PTPRK: variants seen among roughly 807,000 people sequenced by gnomAD.
The protein encoded by PTPRK is protein tyrosine phosphatase receptor type K, also known as receptor-type tyrosine-protein phosphatase kappa.
In PTPRK, 75 loss-of-function variants were observed where a neutral mutation model predicts 178.0. The observed-to-expected ratio is 0.42, with a 90% confidence interval of 0.35 to 0.51. The LOEUF (loss-of-function observed/expected upper bound fraction) is 0.51, where lower values mean the gene tolerates loss of function less well. Among genes scored for constraint, PTPRK ranks in the 20% least tolerant of loss-of-function variants. The pLI is 0.02. For synonymous variants in PTPRK, 637 were observed against 620.6 expected, an observed-to-expected ratio of 1.03 and a Z score of -0.39; for missense variants, 1,441 against 1,797.8, an observed-to-expected ratio of 0.80 and a Z score of 3.59.
At chr6:128,056,386 T>C (rs1259685299) in intron 13 of PTPRK, among the ~76,000 whole-genome samples, 1 of 152,094 alleles carries the variant, frequency 6.6e-6, no homozygotes, top group Non-Finnish European at 1.5e-5. Flanking sequence ...ATCTTTCTGT[T>C]GTTTTCTTTA....
chr6:127,992,633 GT>G, intron 19 of PTPRK, 39 bp downstream of exon 19: 2 of 1,537,282 alleles, frequency 1.3e-6, no homozygotes, highest in Non-Finnish European at 8.8e-7. Flanking sequence ...GAATAAGCAA[GT>G]TTGTTTTTTC....
intron 6 of PTPRK, among the ~76,000 whole-genome samples, chr6:128,215,014 T>G (rs569476935): frequency 2.6e-5 from 4 of 152,276 alleles, no homozygotes; most frequent in African/African-American, 9.6e-5. Flanking sequence ...GTCCAGAGCA[T>G]TTTGATAATG....
intron 2 of PTPRK, among the ~76,000 whole-genome samples, chr6:128,367,111 A>G (rs1450052894): frequency 6.6e-6 from 1 of 152,160 alleles, no homozygotes; most frequent in Non-Finnish European, 1.5e-5. Context: ...TGTAAACTCC[A>G]TAAGCGAAGA....
intron 3 of PTPRK, chr6:128,321,563 C>T (rs1046774985): frequency 2.1e-5 from 9 of 421,560 alleles, no homozygotes; most frequent in Admixed American, 8.7e-5. Context: ...AATGAAAATG[C>T]CTCCCCCTTA....
At chr6:128,143,690 T>G (rs1324268367) in intron 7 of PTPRK, among the ~76,000 whole-genome samples, 1 of 152,178 alleles carries the variant, frequency 6.6e-6, no homozygotes, top group Non-Finnish European at 1.5e-5. Flanking sequence ...GGCCTTTCAT[T>G]GGCCATCCCC....
At chr6:128,240,659 C>T (rs920739580) in intron 4 of PTPRK, among the ~76,000 whole-genome samples, 3 of 152,130 alleles carry the variant, frequency 2.0e-5, no homozygotes, top group Non-Finnish European at 2.9e-5. Context: ...TAACCCTCTA[C>T]AGCACTTCAA....
intron 7 of PTPRK, among the ~76,000 whole-genome samples, chr6:128,122,505 C>CCT (rs539689263): frequency 6.6e-6 from 1 of 151,972 alleles, no homozygotes; most frequent in Admixed American, 6.6e-5. Context: ...TCAATGTAAA[C>CCT]CTCTCTCTCT....
At chr6:128,067,824 T>C in intron 11 of PTPRK, 32 bp from the exon 12 acceptor site, 1 of 1,519,386 alleles carries the variant, frequency 6.6e-7, no homozygotes, top group Middle Eastern at 1.8e-4. Context: ...AACACACATA[T>C]ATATACACAC....
In PTPRK at chr6:128,396,781, C is replaced by T. The variant is rs576009024; in HGVS notation, c.223+785G>A. Among the ~76,000 whole-genome samples the T allele has an allele frequency of 5.9e-5, 9 of 152,154 alleles. No homozygotes were observed. In the South Asian group the frequency reaches 8.3e-4, roughly 14 times the overall value. ...TTGGGAGGCCGAGGCGGGCGGATCA[C>T]GAGGTCAGGAGTTCGAGACCAGCCT... is the stretch of plus-strand genomic sequence containing the variant. On this transcript the variant is annotated intron_variant, in intron 2 of 29. Transcript: ENST00000368226.
chr6:128,132,317 G>A (rs1739075693), intron 7 of PTPRK, among the ~76,000 whole-genome samples: 1 of 152,198 alleles, frequency 6.6e-6, no homozygotes, highest in Admixed American at 6.5e-5. Context: ...TGGGACTACA[G>A]GCACCCGCCA....
At chr6:128,368,537 C>T (rs1562371510) in intron 2 of PTPRK, among the ~76,000 whole-genome samples, 1 of 152,070 alleles carries the variant, frequency 6.6e-6, no homozygotes, top group Non-Finnish European at 1.5e-5. Flanking sequence ...TTCCTGTCAA[C>T]TCACTTCCAA....
chr6:128,444,685 G>A (rs1262195531), intron 1 of PTPRK, among the ~76,000 whole-genome samples: 3 of 152,132 alleles, frequency 2.0e-5, no homozygotes, highest in African/African-American at 7.2e-5. Context: ...AATGACTTCC[G>A]AGGTTGAGCC....
At chr6:128,143,286 C>T (rs1192606525) in intron 7 of PTPRK, among the ~76,000 whole-genome samples, 1 of 152,118 alleles carries the variant, frequency 6.6e-6, no homozygotes, top group African/African-American at 2.4e-5. Flanking sequence ...CAAAGAAGTT[C>T]ACCTCTCACC....
chr6:128,005,060 T>C (rs770806209), intron 15 of PTPRK, 24 bp downstream of exon 15: 7 of 1,584,170 alleles, frequency 4.4e-6, no homozygotes, highest in East Asian at 2.3e-5. Flanking sequence ...ACATCATTTA[T>C]TAAAATTTTA....
At chr6:128,459,208 CTTATAG>C (rs1200879195) in intron 1 of PTPRK, among the ~76,000 whole-genome samples, 1 of 152,084 alleles carries the variant, frequency 6.6e-6, no homozygotes, top group African/African-American at 2.4e-5. Context: ...AAAACATCTT[CTTATAG>C]TTATACGATC....
chr6:128,010,170 A>T (rs1778891613), intron 13 of PTPRK, among the ~76,000 whole-genome samples: 1 of 151,256 alleles, frequency 6.6e-6, no homozygotes, highest in Admixed American at 6.6e-5. Context: ...GCAAAGAAAA[A>T]ATCTACTATA....
chr6:128,194,056 T>TTATATATATATATA (rs1228103270), intron 6 of PTPRK, among the ~76,000 whole-genome samples: 1 of 138,008 alleles, frequency 7.2e-6, no homozygotes, highest in African/African-American at 2.8e-5. Context: ...GCAATAATAT[T>TTATATATATATATA]TATATATATA....
intron 2 of PTPRK, among the ~76,000 whole-genome samples, chr6:128,349,699 A>AT (rs1475133115): frequency 1.3e-5 from 2 of 152,190 alleles, no homozygotes; most frequent in Non-Finnish European, 2.9e-5. Flanking sequence ...TACATGAAAA[A>AT]TTTTGATGAA....
intron 1 of PTPRK, among the ~76,000 whole-genome samples, chr6:128,475,252 T>C (rs1394816428): frequency 4.6e-5 from 7 of 152,082 alleles, no homozygotes. Context: ...GCTGTTTGGA[T>C]TATACAATAT....
Sources: gnomAD v4.1 joint callset for allele counts (sites outside exome capture counted in the v4.1 genomes callset) on GRCh38, gnomAD v4.1.1 for gene constraint, MANE v1.5 for transcripts, NCBI Gene and HGNC (gene_info 2026-07-23, HGNC 2026-07-21) for gene names.